GUCY2F: variants seen among roughly 807,000 people sequenced by gnomAD.
GUCY2F encodes retinal guanylyl cyclase 2.
GUCY2F carries 61 observed loss-of-function variants against 73.1 expected under a neutral mutation model. The ratio of observed to expected loss-of-function variants is 0.83; its 90% CI spans 0.68 to 1.03. The LOEUF (loss-of-function observed/expected upper bound fraction) is 1.03. Ranked by LOEUF, GUCY2F falls within the 50% of genes least tolerant of loss-of-function variation. The pLI is 0.00. For synonymous variants in GUCY2F, 331 were observed against 307.8 expected (o/e 1.08, Z -0.79); for missense variants, 912 against 854.3 (o/e 1.07, Z -0.84).
chrX:109,412,383 G>A (rs1334166155), intron 8 of GUCY2F, among the ~76,000 whole-genome samples: 1 of 111,743 alleles, frequency 8.9e-6, no homozygotes, highest in Non-Finnish European at 1.9e-5. Flanking sequence ...CCAAGCAAAG[G>A]TTAAATTATC....
chrX:109,460,715 T>C (rs1932346431), intron 3 of GUCY2F, among the ~76,000 whole-genome samples: 2 of 111,516 alleles, frequency 1.8e-5, no homozygotes, highest in Admixed American at 9.5e-5. Flanking sequence ...GTTTAAGAAT[T>C]ATGAAAATAG....
chrX:109,454,799 A>G (rs1468546976), intron 3 of GUCY2F, among the ~76,000 whole-genome samples: 1 of 110,807 alleles, frequency 9.0e-6, no homozygotes, highest in Non-Finnish European at 1.9e-5. Context: ...ACACGCGGCC[A>G]TGGCTTCATG....
At chrX:109,417,089 G>A (rs192991879) in intron 8 of GUCY2F, among the ~76,000 whole-genome samples, 2 of 111,069 alleles carry the variant, frequency 1.8e-5, no homozygotes, top group African/African-American at 6.5e-5. Context: ...CAGCAGGCCT[G>A]CAATACAAGT....
chrX:109,397,091 GAGA>G lies in GUCY2F; in HGVS notation c.2275+1455_2275+1457del, dbSNP rs749712580. Among the ~76,000 whole-genome samples, 173 of 112,226 alleles carry G rather than the reference GAGA, an allele frequency of 1.5e-3. 2 individuals are homozygous for G. Among genetic ancestry groups the G allele is most frequent in the African/African-American group, 5.4e-3 (166 of 30,908 alleles). On this transcript the variant is annotated intron_variant, in intron 11 of 19. Coordinates refer to ENST00000218006, the MANE Select transcript of GUCY2F (RefSeq NM_001522.3). ...CAGCTGACCCACACTAAAGAAGTCA[GAGA>G]AGGTTTCCCAGAGAAGGTGACATGA...
chrX:109,385,607 C>T (rs1162667544), intron 15 of GUCY2F, among the ~76,000 whole-genome samples: 1 of 111,718 alleles, frequency 9.0e-6, no homozygotes, highest in Admixed American at 9.4e-5. Flanking sequence ...ATTCAGGGTC[C>T]AAACATGTTT....
intron 2 of GUCY2F, among the ~76,000 whole-genome samples, chrX:109,474,548 G>A (rs1569377870): frequency 8.9e-6 from 1 of 111,883 alleles, no homozygotes; most frequent in South Asian, 3.8e-4. Flanking sequence ...TGCAAGAATC[G>A]TCTTTGAACA....
rs755756631 is a variant in GUCY2F at position 109,463,433 on chromosome X, C to CTTT, written c.1032+1706_1032+1708dup. Among the ~76,000 whole-genome samples, 614 of 83,937 alleles carry CTTT rather than the reference C, an allele frequency of 7.3e-3. 15 individuals are homozygous for CTTT. Among genetic ancestry groups the CTTT allele is most frequent in the African/African-American group, 0.03 (578 of 19,249 alleles). The allele number at this position is 83,937 out of a possible 115,157, so 72.9% of individuals were successfully genotyped here. ...AGATTCTGGGAAAGATTTCCTCACT[C>CTTT]TTTTTTTTTTTTTTTTTTTTTGGAG... is the stretch of plus-strand genomic sequence containing the variant. On this transcript the variant is annotated intron_variant, in intron 3 of 19. Coordinates refer to ENST00000218006, the MANE Select transcript of GUCY2F (RefSeq NM_001522.3).
chrX:109,383,235 C>T (rs1362643351), intron 16 of GUCY2F: 1 of 136,497 alleles, frequency 7.3e-6, no homozygotes, highest in Non-Finnish European at 1.3e-5. Flanking sequence ...AATACACATG[C>T]CCAGCCAGTA....
intron 1 of GUCY2F, among the ~76,000 whole-genome samples, chrX:109,480,473 C>T (rs1259923308): frequency 4.5e-5 from 5 of 111,351 alleles, no homozygotes; most frequent in African/African-American, 6.5e-5. Context: ...AATGAAGAAA[C>T]TTTTGGTGCC....
intron 7 of GUCY2F, among the ~76,000 whole-genome samples, chrX:109,436,871 C>T (rs1276904693): frequency 2.8e-5 from 3 of 106,983 alleles, no homozygotes; most frequent in Admixed American, 1.0e-4. Flanking sequence ...ACCAGCATGG[C>T]ACATGTATAC....
At position 109,409,107 on chromosome X, in the gene GUCY2F, A is replaced by G. The variant is rs1294440346; in HGVS notation, c.1853T>C (p.Met618Thr). The change falls in exon 9 of 20, where the codon ATG becomes ACG. Residue 618 changes from methionine to threonine, a missense_variant. Met to Thr is a moderately conservative substitution (Grantham distance 81). Coordinates refer to ENST00000218006, the MANE Select transcript of GUCY2F (RefSeq NM_001522.3). ...PLLGFFYDSG[M>T]FAIVTEFCSR... The stretch of plus-strand genomic sequence containing the variant: ...ACAGAATTCTGTCACAATGGCAAAC[A>G]TCCCCGAATCATAGAAGAAACCCAA... 10 of 1,107,860 alleles carry G rather than the reference A, an allele frequency of 9.0e-6. No individual in the cohort carries two copies. Among genetic ancestry groups the G allele is most frequent in the Non-Finnish European group, 1.2e-5 (10 of 800,846 alleles). 91.3% of individuals were successfully genotyped at this position (1,107,860 alleles called of 1,213,427 possible).
chrX:109,404,992 A>T (rs1352630759), intron 9 of GUCY2F, among the ~76,000 whole-genome samples: 1 of 112,498 alleles, frequency 8.9e-6, no homozygotes, highest in Non-Finnish European at 1.9e-5. Flanking sequence ...TGCTTGTTGT[A>T]GCTTTGCTTT....
At chrX:109,397,241 A>T (rs1022323345) in intron 11 of GUCY2F, among the ~76,000 whole-genome samples, 9 of 110,810 alleles carry the variant, frequency 8.1e-5, no homozygotes, top group African/African-American at 2.6e-4. Context: ...TTTAGCTGGG[A>T]TATAGAGAGT....
intron 8 of GUCY2F, among the ~76,000 whole-genome samples, chrX:109,424,918 C>T (rs1299624592): frequency 9.0e-6 from 1 of 110,702 alleles, no homozygotes; most frequent in Admixed American, 9.6e-5. Context: ...AGATGCCCAC[C>T]ACCACACTCA....
chrX:109,448,979 T>G (rs1323579387), intron 5 of GUCY2F, among the ~76,000 whole-genome samples: 1 of 112,165 alleles, frequency 8.9e-6, no homozygotes, highest in Non-Finnish European at 1.9e-5. Flanking sequence ...ATGATGTGTA[T>G]TCACGCAGTC....
At chrX:109,382,689 T>C (rs1426653298) in intron 16 of GUCY2F, among the ~76,000 whole-genome samples, 1 of 112,173 alleles carries the variant, frequency 8.9e-6, no homozygotes, top group Non-Finnish European at 1.9e-5. Flanking sequence ...AAATAAAACA[T>C]CAATGAGAAA....
At chrX:109,455,083 G>T (rs1194334766) in intron 3 of GUCY2F, among the ~76,000 whole-genome samples, 1 of 111,542 alleles carries the variant, frequency 9.0e-6, no homozygotes, top group Non-Finnish European at 1.9e-5. Flanking sequence ...AACACCAGCT[G>T]CACATTAGAA....
chrX:109,383,611 C>T (rs1930370262), intron 16 of GUCY2F, among the ~76,000 whole-genome samples: 2 of 112,162 alleles, frequency 1.8e-5, no homozygotes, highest in South Asian at 7.4e-4. Flanking sequence ...TTTAGAAAAG[C>T]ACATTAACCA....
intron 7 of GUCY2F, among the ~76,000 whole-genome samples, chrX:109,440,030 G>T (rs1275108339): frequency 8.9e-6 from 1 of 112,082 alleles, no homozygotes; most frequent in Non-Finnish European, 1.9e-5. Flanking sequence ...ACAGTTTTAG[G>T]TATTTTTTTG....
Sources: gnomAD v4.1 joint callset for allele counts (sites outside exome capture counted in the v4.1 genomes callset) on GRCh38, gnomAD v4.1.1 for gene constraint, MANE v1.5 for transcripts, NCBI Gene and HGNC (gene_info 2026-07-23, HGNC 2026-07-21) for gene names.